Variants in CYP2A7 observed in about 807,000 individuals in gnomAD.
CYP2A7 encodes cytochrome P450 family 2 subfamily A member 7.
Under a neutral mutation model 42.0 loss-of-function variants are expected in CYP2A7, and 36 were observed. The observed-to-expected ratio is 0.86, with a 90% CI of 0.66 to 1.13. CYP2A7 has a LOEUF of 1.13. CYP2A7 is among the 50% of genes most tolerant of loss of function. CYP2A7 has a pLI of 0.00. For missense variants in CYP2A7, 661 were observed against 634.1 expected, an observed-to-expected ratio of 1.04 and a Z score of -0.46; for synonymous variants, 260 against 249.5, an observed-to-expected ratio of 1.04 and a Z score of -0.40.
At position 40,882,047 on chromosome 19, in the gene CYP2A7, C is replaced by T. The variant is rs1041892581; in HGVS notation, c.164G>A (p.Cys55Tyr). 10 of 1,613,676 alleles carry T rather than the reference C, an allele frequency of 6.2e-6. No individual in the cohort carries two copies. Among genetic ancestry groups the T allele is most frequent in the Non-Finnish European group, 8.5e-6 (10 of 1,179,748 alleles). ...TTGGGACACCTTCATGATGGAGTCA[C>T]ATATGTGCTCTGTGTTCAGCTGGAG... is the stretch of plus-strand genomic sequence containing the variant. ...NYLQLNTEHI[C>Y]DSIMKFSECY... Residue 55 changes from cysteine to tyrosine, a missense_variant, in exon 1 of 9, where the codon TGT becomes TAT. This residue lies in a region of CYP2A7 where 614 missense variants were observed against 552.4 expected (regional missense o/e 1.11). Transcript: ENST00000301146.
chr19:40,879,734 G>C (rs397783901), intron 4 of CYP2A7, among the ~76,000 whole-genome samples: 5 of 151,468 alleles, frequency 3.3e-5, no homozygotes, highest in Admixed American at 6.6e-5. Context: ...TGCAGGAGGC[G>C]GGTTGACGCA....
chr19:40,875,592 C>T lies in CYP2A7; in HGVS notation c.*101G>A. 6 of 1,577,132 alleles carry T rather than the reference C, an allele frequency of 3.8e-6. No individual in the cohort carries two copies. The highest frequency in any genetic ancestry group is 2.3e-5 in the South Asian group (2 of 87,040). On this transcript the variant is annotated 3_prime_UTR_variant, in exon 9 of 9. Transcript: ENST00000301146. The stretch of plus-strand genomic sequence containing the variant: ...AGCCACCACGCCCCTTCCTTTCCCG[C>T]ATCTTCCCCCCATTCTTATACCCGC...
intron 2 of CYP2A7, among the ~76,000 whole-genome samples, chr19:40,880,846 A>AGAGAGG (rs1568528021): frequency 1.4e-4 from 17 of 124,332 alleles, no homozygotes; most frequent in Non-Finnish European, 2.2e-4. Flanking sequence ...AGAGAGAGAG[A>AGAGAGG]GAGAGAGAGA....
intron 6 of CYP2A7, 54 bp from the exon 7 acceptor site, chr19:40,877,431 T>C (rs1967561716): frequency 6.3e-6 from 10 of 1,597,802 alleles, no homozygotes; most frequent in Non-Finnish European, 7.7e-6. Flanking sequence ...GAGCAGGAAA[T>C]GATAGTCTGA....
intron 4 of CYP2A7, 112 bp from the exon 5 acceptor site, chr19:40,879,048 C>A: frequency 4.1e-6 from 6 of 1,459,124 alleles, no homozygotes; most frequent in Non-Finnish European, 5.5e-6. Context: ...AGGCATCTGT[C>A]TCATTGTTTA....
chr19:40,878,425 A>G (rs996554508), intron 5 of CYP2A7, among the ~76,000 whole-genome samples: 2 of 151,610 alleles, frequency 1.3e-5, no homozygotes, highest in Non-Finnish European at 2.9e-5. Flanking sequence ...TCATTCTGTC[A>G]CCCAGGCTGG....
intron 2 of CYP2A7, among the ~76,000 whole-genome samples, chr19:40,880,856 A>G (rs906492169): frequency 1.7e-5 from 2 of 116,490 alleles, no homozygotes; most frequent in South Asian, 2.7e-4. Flanking sequence ...AGAGAGAGAG[A>G]GAGAGACCGG....
chr19:40,880,173 C>T lies in CYP2A7; in HGVS notation c.565G>A (p.Asp189Asn). 3 of 1,612,980 alleles carry T rather than the reference C, an allele frequency of 1.9e-6. No individual in the cohort carries two copies. Among genetic ancestry groups the T allele is most frequent in the Non-Finnish European group, 2.5e-6 (3 of 1,179,264 alleles). ...SNVISSIVFG[D>N]RFDYEDKEFL... Reference sequence around the variant, plus strand: ...TCTTTGTCCTCATAGTCAAAGCGGTCCCCAAAGACAATGGAGCTGATGACA... The same window carrying T: ...TCTTTGTCCTCATAGTCAAAGCGGTTCCCAAAGACAATGGAGCTGATGACA... Residue 189 changes from aspartate (D) to asparagine (N), a missense_variant, in exon 4 of 9, where the codon GAC (aspartate) becomes AAC (asparagine). Physicochemically the swap from Asp to Asn is conservative, Grantham distance 23. Transcript: ENST00000301146.
rs1229721796 is a variant in CYP2A7 at position 40,875,514 on chromosome 19, G to A, written c.*179C>T. 1.3e-5 allele frequency: 9 copies of A among 693,526 alleles called. No homozygotes were observed. In the African/African-American group the frequency reaches 1.4e-4, roughly 11 times the overall value. The allele number at this position is 693,526 out of a possible 1,614,324, so 43.0% of individuals were successfully genotyped here. On this transcript the variant is annotated 3_prime_UTR_variant, in exon 9 of 9. Transcript: ENST00000301146. Reference sequence around the variant, plus strand: ...GTTTCCCTTCCTCTCATCCCAGCTCGGAAGCACCTTATCAAGGTGAACTGA... The same window carrying A: ...GTTTCCCTTCCTCTCATCCCAGCTCAGAAGCACCTTATCAAGGTGAACTGA...
rs1484931910 is a variant in CYP2A7, at chr19:40,880,208, G to A, written c.530C>T (p.Thr177Ile). ...AATGGAGCTGATGACATTGGAGACTGTGCGGCTCAGGAAGAAGGTGGGATC... is the reference window on the plus strand; with the variant it reads ...AATGGAGCTGATGACATTGGAGACTATGCGGCTCAGGAAGAAGGTGGGATC... ...NIDPTFFLSR[T>I]VSNVISSIVF... The change falls in exon 4 of 9, where the codon ACA (threonine) becomes ATA (isoleucine). Residue 177 changes from threonine to isoleucine, a missense_variant. Thr to Ile is a moderately conservative substitution (Grantham distance 89, BLOSUM62 -1). Around this residue, in one of 3 missense-constraint regions of CYP2A7, gnomAD observed 614 missense variants for 552.4 expected, o/e 1.11. Coordinates refer to ENST00000301146, the MANE Select transcript of CYP2A7 (RefSeq NM_000764.3). 3 of 1,612,938 alleles carry A rather than the reference G, an allele frequency of 1.9e-6. No homozygotes were observed. The highest frequency in any genetic ancestry group is 1.1e-5 in the South Asian group (1 of 91,028).
rs140403519 is a variant in CYP2A7, at chr19:40,878,855, C to G, written c.736G>C (p.Asp246His). 7.3e-5 allele frequency: 118 copies of G among 1,611,692 alleles called. No homozygotes were observed. The African/African-American group carries it at 1.5e-3, about 20-fold the overall frequency. ...QAFKLLQGLE[D>H]FIAKKVEHNQ... is the part of the protein sequence containing the mutation. ...TGCTCCACCTTCTTGGCTATGAAGT[C>G]CTCCAGCCCTTGCAGCAACTTAAAG... is the stretch of plus-strand genomic sequence containing the variant. The change falls in exon 5 of 9, where the codon GAC (aspartate) becomes CAC (histidine). Residue 246 changes from aspartate to histidine, a missense_variant. Asp to His is a moderately conservative substitution (Grantham distance 81). This residue lies in a region of CYP2A7 where 614 missense variants were observed against 552.4 expected (regional missense o/e 1.11). Coordinates refer to ENST00000301146, the MANE Select transcript of CYP2A7 (RefSeq NM_000764.3).
At position 40,877,368 on chromosome 19, in the gene CYP2A7, T is replaced by C. The variant is rs1457155703; in HGVS notation, c.983A>G (p.His328Arg). Residue 328 changes from histidine (H) to arginine (R), a missense_variant, in exon 7 of 9, where the codon CAT becomes CGT. By Grantham distance (29) the His-to-Arg change is conservative (BLOSUM62 0). Coordinates refer to ENST00000301146, the MANE Select transcript of CYP2A7 (RefSeq NM_000764.3). ...GCCGATCACTCTGTCAATCTCCTCA[T>C]GGACCTTGGCTGGGGGAGGAGGGGG... ...MKHPEVEAKV[H>R]EEIDRVIGKN... 4 of 1,611,694 alleles carry C rather than the reference T, an allele frequency of 2.5e-6. No individual in the cohort carries two copies. Among genetic ancestry groups the C allele is most frequent in the East Asian group, 4.5e-5 (2 of 44,854 alleles).
Position 40,877,357 on chromosome 19 carries a change from C to T in CYP2A7, c.994G>A (p.Asp332Asn). ...TGCCGGTTCTTGCCGATCACTCTGT[C>T]AATCTCCTCATGGACCTTGGCTGGG... ...EVEAKVHEEI[D>N]RVIGKNRQPK... The change falls in exon 7 of 9, where the codon GAC (aspartate) becomes AAC (asparagine). Residue 332 changes from aspartate to asparagine, a missense_variant. This residue lies in a region of CYP2A7 where 614 missense variants were observed against 552.4 expected (regional missense o/e 1.11). Transcript: ENST00000301146. 1 of 1,612,494 alleles carries T rather than the reference C, an allele frequency of 6.2e-7. No homozygotes were observed. Among genetic ancestry groups the T allele is most frequent in the Non-Finnish European group, 8.5e-7 (1 of 1,178,968 alleles).
In CYP2A7 at chr19:40,882,061, G is replaced by A; in HGVS notation, c.150C>T (p.Asn50=). 6.2e-7 allele frequency: 1 copy of A among 1,613,958 alleles called. No homozygotes were observed. The highest frequency in any genetic ancestry group is 1.1e-5 in the South Asian group (1 of 91,064). ...LPFIGNYLQL[N]TEHICDSIMK... is the part of the protein sequence containing the mutation. ...TGATGGAGTCACATATGTGCTCTGT[G>A]TTCAGCTGGAGGTAGTTTCCAATGA... Residue 50 remains asparagine, a synonymous_variant, in exon 1 of 9, where the codon AAC becomes AAT. Transcript: ENST00000301146.
intron 5 of CYP2A7, 48 bp downstream of exon 5, chr19:40,878,712 T>C (rs1431386480): frequency 1.3e-6 from 2 of 1,599,554 alleles, no homozygotes; most frequent in South Asian, 2.2e-5. Context: ...CAGTCTGATT[T>C]CCCTCTGCCT....
chr19:40,878,786 C>T lies in CYP2A7; in HGVS notation c.805G>A (p.Asp269Asn), dbSNP rs534092727. The change falls in exon 5 of 9, where the codon GAC becomes AAC. Residue 269 changes from aspartate to asparagine, a missense_variant. Asp to Asn is a conservative substitution (Grantham distance 23, BLOSUM62 1). Around this residue, in one of 3 missense-constraint regions of CYP2A7, gnomAD observed 614 missense variants for 552.4 expected, o/e 1.11. Transcript: ENST00000301146. ...LDPNSPQDFIDSFLIHMQEEE... is the reference protein window; with the variant it reads ...LDPNSPQDFINSFLIHMQEEE... ...TCCTGCATGTGGATGAGAAAGGAGT[C>T]GATGAAGTCCTGTGGGGAATTGGGA... The T allele has an allele frequency of 5.6e-6, 9 of 1,611,390 alleles. No homozygotes were observed. The South Asian group carries it at 7.7e-5, about 14-fold the overall frequency.
Position 40,875,712 on chromosome 19 carries a change from A to T in CYP2A7, c.1466T>A (p.Met489Lys), listed in dbSNP as rs775970971. 45 of 1,608,848 alleles carry T rather than the reference A, an allele frequency of 2.8e-5. 3 individuals carry two copies. Among genetic ancestry groups the T allele is most frequent in the Non-Finnish European group, 3.8e-5 (45 of 1,176,792 alleles). ...VFATIPRNYT[M>K]SFLPR is the part of the protein sequence containing the mutation. ...CCTCGCTCAGCGGGGCAGGAAGCTC[A>T]TGGTGTAGTTTCGTGGGATCGTGGC... Residue 489 changes from methionine to lysine, a missense_variant, in exon 9 of 9, where the codon ATG becomes AAG. Coordinates refer to ENST00000301146, the MANE Select transcript of CYP2A7 (RefSeq NM_000764.3).
At chr19:40,877,509 A>G (rs1967564407) in intron 6 of CYP2A7, 132 bp from the exon 7 acceptor site, 5 of 1,369,458 alleles carry the variant, frequency 3.7e-6, no homozygotes, top group Non-Finnish European at 4.9e-6. Flanking sequence ...ATAACAGAAC[A>G]GACATCGGCC....
At chr19:40,880,674 T>G (rs759267814) in intron 2 of CYP2A7, 46 bp from the exon 3 acceptor site, 29 of 1,578,760 alleles carry the variant, frequency 1.8e-5, no homozygotes, top group African/African-American at 6.8e-5. Flanking sequence ...GGGGCGGCGG[T>G]GGCAGGAGCG....
Sources: gnomAD v4.1 joint callset for allele counts (sites outside exome capture counted in the v4.1 genomes callset) on GRCh38, gnomAD v4.1.1 for gene constraint, gnomAD v4.1.1 regional missense constraint, MANE v1.5 for transcripts, NCBI Gene and HGNC (gene_info 2026-07-23, HGNC 2026-07-21) for gene names.